HS3ST5: variants seen among roughly 807,000 people sequenced by gnomAD.
The protein encoded by HS3ST5 is heparan sulfate-glucosamine 3-sulfotransferase 5.
HS3ST5 carries 10 observed loss-of-function variants against 25.4 expected under a neutral mutation model. The observed-to-expected ratio is 0.39, with a 90% confidence interval of 0.24 to 0.67. The LOEUF is 0.67. Among genes scored for constraint, HS3ST5 ranks in the 30% least tolerant of loss-of-function variants. The pLI is 0.44. For missense variants in HS3ST5, 324 were observed against 420.7 expected (o/e 0.77, Z 2.01); for synonymous variants, 170 against 162.4 (o/e 1.05, Z -0.36).
chr6:114,249,678 C>A (rs1425303417), intron 1 of HS3ST5, among the ~76,000 whole-genome samples: 2 of 152,172 alleles, frequency 1.3e-5, no homozygotes, highest in Non-Finnish European at 2.9e-5. Context: ...AGGCCAAGCC[C>A]CTTTGCCTCC....
rs185376250 is a variant in HS3ST5 at position 114,281,484 on chromosome 6, T to C, written c.-338-52706A>G. ...TAAAATTCTTTTCTCCCTGGAGATG[T>C]AGACTTCGGATTCCTTGTTTTCCAA... On this transcript the variant is annotated intron_variant, in intron 1 of 4. Coordinates refer to ENST00000312719, the MANE Select transcript of HS3ST5 (RefSeq NM_153612.4). 3.5e-3 allele frequency among the ~76,000 whole-genome samples: 531 copies of C among 152,136 alleles called. 6 individuals are homozygous for C. Among genetic ancestry groups the C allele is most frequent in the African/African-American group, 0.012 (496 of 41,540 alleles).
chr6:114,154,231 AT>A, intron 3 of HS3ST5, among the ~76,000 whole-genome samples: 1 of 152,138 alleles, frequency 6.6e-6, no homozygotes, highest in African/African-American at 2.4e-5. Flanking sequence ...GAAGTCTGTG[AT>A]CAATTATTGC....
At chr6:114,075,544 G>T (rs1348451089) in intron 3 of HS3ST5, among the ~76,000 whole-genome samples, 1 of 152,204 alleles carries the variant, frequency 6.6e-6, no homozygotes, top group African/African-American at 2.4e-5. Flanking sequence ...GTGGGGCTGT[G>T]TGCTCAGAAA....
intron 3 of HS3ST5, among the ~76,000 whole-genome samples, chr6:114,083,256 A>G (rs1323292293): frequency 1.3e-5 from 2 of 152,188 alleles, no homozygotes; most frequent in Admixed American, 6.5e-5. Flanking sequence ...TAATCAGGCC[A>G]TCTGGTTTAT....
At chr6:114,333,959 C>T (rs1237310424) in intron 1 of HS3ST5, among the ~76,000 whole-genome samples, 1 of 152,036 alleles carries the variant, frequency 6.6e-6, no homozygotes, top group Non-Finnish European at 1.5e-5. Context: ...ATCTGCAAGC[C>T]CATCAGTCCC....
chr6:114,192,312 A>T, intron 2 of HS3ST5, among the ~76,000 whole-genome samples: 1 of 152,202 alleles, frequency 6.6e-6, no homozygotes, highest in Non-Finnish European at 1.5e-5. Context: ...AACAGAACTC[A>T]TTTAATCTTC....
At chr6:114,114,958 C>T (rs769074766) in intron 3 of HS3ST5, among the ~76,000 whole-genome samples, 2 of 152,046 alleles carry the variant, frequency 1.3e-5, no homozygotes, top group Non-Finnish European at 2.9e-5. Flanking sequence ...TTTATAAATG[C>T]AAGGACAGTG....
chr6:114,067,826 G>A (rs943011770), intron 3 of HS3ST5, among the ~76,000 whole-genome samples: 5 of 152,112 alleles, frequency 3.3e-5, no homozygotes, highest in Non-Finnish European at 7.4e-5. Context: ...ATGGTGAAGT[G>A]GAAAGACAAC....
intron 1 of HS3ST5, among the ~76,000 whole-genome samples, chr6:114,245,149 A>T (rs1425710929): frequency 6.6e-6 from 1 of 152,190 alleles, no homozygotes; most frequent in Non-Finnish European, 1.5e-5. Context: ...TACAGTTTGC[A>T]ATTACAACAT....
intron 1 of HS3ST5, among the ~76,000 whole-genome samples, chr6:114,286,573 G>A (rs755231869): frequency 3.9e-5 from 6 of 151,974 alleles, no homozygotes; most frequent in Non-Finnish European, 8.8e-5. Context: ...AAGTAAGTAT[G>A]TTTATGTTGT....
At chr6:114,242,715 C>T (rs1039027789) in intron 1 of HS3ST5, among the ~76,000 whole-genome samples, 3 of 151,948 alleles carry the variant, frequency 2.0e-5, no homozygotes, top group Non-Finnish European at 2.9e-5. Flanking sequence ...TAGCCGGGCG[C>T]GGTGGCGGGC....
intron 2 of HS3ST5, among the ~76,000 whole-genome samples, chr6:114,184,075 T>TTTTTTTTTTTTC: frequency 7.1e-6 from 1 of 141,506 alleles, no homozygotes; most frequent in Non-Finnish European, 1.5e-5. Context: ...TTTTTTTTTT[T>TTTTTTTTTTTTC]TTTTTGAGAC....
intron 3 of HS3ST5, among the ~76,000 whole-genome samples, chr6:114,103,725 C>T (rs1260558121): frequency 6.8e-5 from 9 of 132,120 alleles, no homozygotes; most frequent in East Asian, 2.2e-4. Flanking sequence ...TTTTTTGAGA[C>T]GGAGTGTCTG....
chr6:114,287,453 C>A (rs1196242055), intron 1 of HS3ST5, among the ~76,000 whole-genome samples: 1 of 152,014 alleles, frequency 6.6e-6, no homozygotes, highest in East Asian at 1.9e-4. Context: ...ATAACCACAA[C>A]TGTACCACAT....
chr6:114,278,051 G>A (rs1773940198), intron 1 of HS3ST5, among the ~76,000 whole-genome samples: 3 of 151,934 alleles, frequency 2.0e-5, no homozygotes, highest in Admixed American at 2.0e-4. Context: ...AGGTTAGTGG[G>A]AGAAACAATA....
rs1289212595 is a variant in HS3ST5 at position 114,342,284 on chromosome 6, G to A, written c.-428C>T. The A allele has an allele frequency of 6.5e-6, 1 of 153,214 alleles. No individual in the cohort carries two copies. Among genetic ancestry groups the A allele is most frequent in the Admixed American group, 6.6e-5 (1 of 15,244 alleles). 9.5% of individuals were successfully genotyped at this position (153,214 alleles called of 1,614,324 possible). A position where few individuals can be genotyped will look rare whatever the true frequency, so the allele number is the denominator to read the frequency against. On this transcript the variant is annotated 5_prime_UTR_variant, in exon 1 of 5. Transcript: ENST00000312719. ...GTGGGGGTCACCCGGCCGCTGCTGC[G>A]GTCCGGACGGCAGTTGGTCCAGTAG...
rs1205965764 is a variant in HS3ST5 at position 114,058,088 on chromosome 6, C to G, written c.210G>C (p.Glu70Asp). The G allele has an allele frequency of 6.2e-7, 1 of 1,614,176 alleles. No individual in the cohort carries two copies. The highest frequency in any genetic ancestry group is 1.3e-5 in the African/African-American group (1 of 75,040). ...ALQFKRGLLH[E>D]FRKGNASKEQ... ...CCTTGGAAGCGTTGCCCTTCCGGAA[C>G]TCGTGCAGCAGGCCACGCTTAAACT... Residue 70 changes from glutamate to aspartate, a missense_variant, in exon 5 of 5, where the codon GAG becomes GAC. Glu to Asp is a conservative substitution (Grantham distance 45, BLOSUM62 2). This residue lies in a region of HS3ST5 where 121 missense variants were observed against 117.3 expected (regional missense o/e 1.03). Transcript: ENST00000312719.
chr6:114,287,195 T>C (rs1302009895), intron 1 of HS3ST5, among the ~76,000 whole-genome samples: 3 of 152,046 alleles, frequency 2.0e-5, no homozygotes, highest in Non-Finnish European at 2.9e-5. Flanking sequence ...ATATTATGCA[T>C]TCATGGCAGT....
intron 2 of HS3ST5, among the ~76,000 whole-genome samples, chr6:114,206,549 C>T (rs1781284114): frequency 6.6e-6 from 1 of 152,110 alleles, no homozygotes; most frequent in Non-Finnish European, 1.5e-5. Flanking sequence ...CACTTACTTG[C>T]TACATATGAT....
Sources: allele counts gnomAD v4.1 joint callset (sites outside exome capture counted in the v4.1 genomes callset), GRCh38; gene constraint gnomAD v4.1.1; regional missense constraint gnomAD v4.1.1; transcripts MANE v1.5; gene names NCBI Gene and HGNC (gene_info 2026-07-23, HGNC 2026-07-21).